Variants in LILRB5 observed in about 807,000 individuals in gnomAD.
LILRB5 encodes leukocyte immunoglobulin like receptor B5.
Under a neutral mutation model 68.4 loss-of-function variants are expected in LILRB5, and 61 were observed. The observed-to-expected ratio is 0.89, with a 90% confidence interval of 0.73 to 1.10. The LOEUF (loss-of-function observed/expected upper bound fraction) is 1.10, where lower values mean the gene tolerates loss of function less well. Among genes scored for constraint, LILRB5 ranks in the 50% least tolerant of loss-of-function variants. The probability of loss-of-function intolerance (pLI) is 0.00; values close to 1 mark genes in which losing one functional copy is unlikely to be tolerated. For synonymous variants in LILRB5, 356 were observed against 315.8 expected (o/e 1.13, Z -1.35); for missense variants, 771 against 751.6 (o/e 1.03, Z -0.30).
At position 54,255,557 on chromosome 19, in the gene LILRB5, C is replaced by T. The variant is rs1238461153; in HGVS notation, c.681G>A (p.Leu227=). The T allele has an allele frequency of 6.2e-7, 1 of 1,613,730 alleles. No homozygotes were observed. The highest frequency in any genetic ancestry group is 1.7e-5 in the Admixed American group (1 of 60,004). Residue 227 remains leucine, a synonymous_variant, in exon 5 of 13, where the codon CTG becomes CTA. Coordinates refer to ENST00000449561, the MANE Select transcript of LILRB5 (RefSeq NM_001081442.3). ...GGGCCACGACAGAGCCCTGCGGGAT[C>T]AGGAGGGAGGGCTTCCTAGACACGC... ...VPGVSRKPSL[L]IPQGSVVARG...
Position 54,255,325 on chromosome 19 carries a change from AC to A in LILRB5, c.912del (p.Arg304SerfsTer12), listed in dbSNP as rs1569058850. 1.5e-5 allele frequency: 24 copies of A among 1,613,542 alleles called. No homozygotes were observed. The highest frequency in any genetic ancestry group is 5.0e-5 in the Admixed American group (3 of 59,980). ...RCYGAHNLSP[R>X]WSAPSDPLDI... Reference sequence around the variant, plus strand: ...TCCAGGGGGTCGCTGGGGGCCGACCACCTAGGGGAGAGGTTGTGTGCACCGT... The same window carrying A: ...TCCAGGGGGTCGCTGGGGGCCGACCACTAGGGGAGAGGTTGTGTGCACCGT... On this transcript the variant is annotated frameshift_variant, in exon 5 of 13. Transcript: ENST00000449561. LOFTEE classifies it high-confidence loss of function.
At position 54,250,940 on chromosome 19, in the gene LILRB5, G is replaced by C. The variant is rs755886776; in HGVS notation, c.1630-8C>G. ...GGCTTCAGATGCAGCAGCCTGCAGC[G>C]GGGGAGAGTGAGAGGGAAGGAACGT... On this transcript the variant is annotated splice_polypyrimidine_tract_variant and splice_region_variant and intron_variant, in intron 12 of 12. Transcript: ENST00000449561. 4.4e-6 allele frequency: 7 copies of C among 1,600,488 alleles called. No homozygotes were observed. The highest frequency in any genetic ancestry group is 5.1e-6 in the Non-Finnish European group (6 of 1,173,858).
In LILRB5 at chr19:54,257,043, A is replaced by G. The variant is rs561295894; in HGVS notation, c.35-47T>C. 1.5e-5 allele frequency: 24 copies of G among 1,614,172 alleles called. No individual in the cohort carries two copies. In the South Asian group the frequency reaches 2.5e-4, roughly 17 times the overall value. On this transcript the variant is annotated intron_variant, in intron 1 of 12. Coordinates refer to ENST00000449561, the MANE Select transcript of LILRB5 (RefSeq NM_001081442.3). ...GGGATTTGCCCCTGGAAGCCCCAGCAGTTCCTCTCCTCCCTCGGAGCCTCT... is the reference window on the plus strand; with the variant it reads ...GGGATTTGCCCCTGGAAGCCCCAGCGGTTCCTCTCCTCCCTCGGAGCCTCT...
At chr19:54,255,104 C>G (rs2147646589) in intron 5 of LILRB5, 67 bp from the exon 6 acceptor site, 2 of 1,509,552 alleles carry the variant, frequency 1.3e-6, no homozygotes, top group East Asian at 4.7e-5. Flanking sequence ...CCCCAGGCCT[C>G]TCTAGGAGCC....
In LILRB5 at chr19:54,256,580, C is replaced by T. The variant is rs778702245; in HGVS notation, c.264G>A (p.Thr88=). Residue 88 remains threonine (T), a synonymous_variant, in exon 3 of 13, where the codon ACG becomes ACA. Transcript: ENST00000449561. Reference sequence around the variant, plus strand: ...GGTATCGCCCTGCACTGTCATACACCGTGGATGGAATGTGGAACTTGGCCT... The same window carrying T: ...GGTATCGCCCTGCACTGTCATACACTGTGGATGGAATGTGGAACTTGGCCT... ...GAKAKFHIPS[T]VYDSAGRYRC... is the part of the protein sequence containing the mutation. The T allele has an allele frequency of 7.4e-5, 119 of 1,614,038 alleles. No individual in the cohort carries two copies. The highest frequency in any genetic ancestry group is 7.5e-5 in the Non-Finnish European group (89 of 1,180,014).
intron 6 of LILRB5, 84 bp downstream of exon 6, chr19:54,254,651 A>T (rs1395280675): frequency 1.9e-6 from 3 of 1,541,592 alleles, no homozygotes; most frequent in East Asian, 2.3e-5. Flanking sequence ...CCGCACCGCG[A>T]CTCCATCCCA....
rs144588103 is a variant in LILRB5, at chr19:54,252,137, TG to T, written c.1577-32del. Reference sequence around the variant, plus strand: ...GGGCCAGAGCAAGGGGTTCATCTCCTGGGAAGGTTCTCTGAGACTTCTCCGT... The same window carrying T: ...GGGCCAGAGCAAGGGGTTCATCTCCTGGAAGGTTCTCTGAGACTTCTCCGT... On this transcript the variant is annotated intron_variant, in intron 11 of 12. Coordinates refer to ENST00000449561, the MANE Select transcript of LILRB5 (RefSeq NM_001081442.3). 1.7e-3 allele frequency: 2,819 copies of T among 1,612,196 alleles called. 48 individuals carry two copies. The African/African-American group carries it at 0.033, about 19-fold the overall frequency.
In LILRB5 at chr19:54,252,069, C is replaced by T; in HGVS notation, c.1614G>A (p.Val538=). 1.2e-6 allele frequency: 2 copies of T among 1,614,038 alleles called. No homozygotes were observed. Among genetic ancestry groups the T allele is most frequent in the African/African-American group, 1.3e-5 (1 of 75,046 alleles). Reference sequence around the variant, plus strand: ...GGGGCCTCACCGGAGCATCCATCTCCACCCCGTCCTTGGGCTGTGTGTCCT... The same window carrying T: ...GGGGCCTCACCGGAGCATCCATCTCTACCCCGTCCTTGGGCTGTGTGTCCT... ...AVKDTQPKDG[V]EMDAPAAASE... is the part of the protein sequence containing the mutation. Residue 538 remains valine, a synonymous_variant, in exon 12 of 13, where the codon GTG becomes GTA. Coordinates refer to ENST00000449561, the MANE Select transcript of LILRB5 (RefSeq NM_001081442.3).
rs2078990893 is a variant in LILRB5, at chr19:54,252,477, C to A, written c.1538+9G>T. On this transcript the variant is annotated intron_variant, in intron 10 of 12. Coordinates refer to ENST00000449561, the MANE Select transcript of LILRB5 (RefSeq NM_001081442.3). ...TGGATGGGAGTCTTGGGTCTTCATG[C>A]AGAATTACCTCTTCTGCAGGCCCTG... 1.1e-5 allele frequency: 17 copies of A among 1,614,134 alleles called. No homozygotes were observed. Among genetic ancestry groups the A allele is most frequent in the Non-Finnish European group, 1.4e-5 (16 of 1,180,016 alleles).
At chr19:54,254,297 C>T (rs2079049400) in intron 7 of LILRB5, 68 bp downstream of exon 7, 13 of 1,519,190 alleles carry the variant, frequency 8.6e-6, no homozygotes, top group Non-Finnish European at 3.6e-6. Context: ...ATAGGATCCT[C>T]GGGGAGACTC....
At chr19:54,252,814 G>T in intron 9 of LILRB5, 57 bp downstream of exon 9, 2 of 1,475,508 alleles carry the variant, frequency 1.4e-6, no homozygotes, top group Non-Finnish European at 1.9e-6. Flanking sequence ...TTTCCCTCTG[G>T]CTGGTGCCCC....
intron 11 of LILRB5, 96 bp downstream of exon 11, chr19:54,252,270 C>G: frequency 6.7e-7 from 1 of 1,485,844 alleles, no homozygotes; most frequent in Non-Finnish European, 9.3e-7. Flanking sequence ...CCCCTTGGCC[C>G]CAGACCCCCC....
chr19:54,257,182 G>C lies in LILRB5; in HGVS notation c.12C>G (p.Thr4=). 1 of 1,614,210 alleles carries C rather than the reference G, an allele frequency of 6.2e-7. No homozygotes were observed. The change falls in exon 1 of 13, where the codon ACC becomes ACG. Residue 4 remains threonine (T), a synonymous_variant. Coordinates refer to ENST00000449561, the MANE Select transcript of LILRB5 (RefSeq NM_001081442.3). MTL[T]LSVLICLGLS... The stretch of plus-strand genomic sequence containing the variant: ...CACCGAGGCAAATCAGGACTGAGAG[G>C]GTGAGGGTCATGGCGTCAGCTCCCA...
intron 4 of LILRB5, chr19:54,255,820 C>T: frequency 1.5e-6 from 1 of 658,900 alleles, no homozygotes. Flanking sequence ...CAGGAAATTG[C>T]AGCAAATACA....
chr19:54,254,643 G>A (rs745995223), intron 6 of LILRB5, 92 bp downstream of exon 6: 27 of 1,492,246 alleles, frequency 1.8e-5, no homozygotes, highest in African/African-American at 8.3e-5. Flanking sequence ...CCTCCCCCCC[G>A]CACCGCGACT....
Position 54,256,721 on chromosome 19 carries a change from C to A in LILRB5, c.123G>T (p.Arg41=). Residue 41 remains arginine (R), a synonymous_variant, in exon 3 of 13, where the codon CGG becomes CGT. Coordinates refer to ENST00000449561, the MANE Select transcript of LILRB5 (RefSeq NM_001081442.3). ...GACACCAGAGGGTCACGGGCTTCCCCCGAGCTATCACAGAGGCTGGCTCAG... is the reference window on the plus strand; with the variant it reads ...GACACCAGAGGGTCACGGGCTTCCCACGAGCTATCACAGAGGCTGGCTCAG... ...LWAEPASVIA[R]GKPVTLWCQG... 6.2e-7 allele frequency: 1 copy of A among 1,614,160 alleles called. No individual in the cohort carries two copies. Among genetic ancestry groups the A allele is most frequent in the Admixed American group, 1.7e-5 (1 of 60,024 alleles).
intron 8 of LILRB5, chr19:54,253,292 C>A: frequency 4.7e-6 from 1 of 214,304 alleles, no homozygotes; most frequent in South Asian, 6.1e-5. Flanking sequence ...CAGGAGGGGC[C>A]TGTCCTAGTG....
intron 3 of LILRB5, 52 bp downstream of exon 3, chr19:54,256,437 C>T: frequency 6.2e-7 from 1 of 1,603,872 alleles, no homozygotes; most frequent in Non-Finnish European, 8.5e-7. Context: ...TAAGAGCCGA[C>T]CCTCTTCCTG....
Position 54,257,182 on chromosome 19 carries a change from G to A in LILRB5, c.12C>T (p.Thr4=). 1 of 1,614,210 alleles carries A rather than the reference G, an allele frequency of 6.2e-7. No homozygotes were observed. Among genetic ancestry groups the A allele is most frequent in the South Asian group, 1.1e-5 (1 of 91,086 alleles). ...CACCGAGGCAAATCAGGACTGAGAG[G>A]GTGAGGGTCATGGCGTCAGCTCCCA... MTL[T]LSVLICLGLS... Residue 4 remains threonine, a synonymous_variant, in exon 1 of 13, where the codon ACC becomes ACT. Transcript: ENST00000449561.
Sources: gnomAD v4.1 joint callset for allele counts on GRCh38, gnomAD v4.1.1 for gene constraint, MANE v1.5 for transcripts, NCBI Gene and HGNC (gene_info 2026-07-23, HGNC 2026-07-21) for gene names.